Variants in RUNDC3B observed in about 807,000 individuals in gnomAD.
The protein encoded by RUNDC3B is RUN domain-containing protein 3B.
RUNDC3B carries 33 observed loss-of-function variants against 58.4 expected under a neutral mutation model. That is an observed-to-expected ratio of 0.56 (90% CI 0.43 to 0.75). The LOEUF is 0.75. RUNDC3B is among the 30% of genes least tolerant of loss of function. RUNDC3B has a pLI of 0.00. For missense variants in RUNDC3B, 501 were observed against 535.7 expected (o/e 0.94, Z 0.64); for synonymous variants, 193 against 195.2 (o/e 0.99, Z 0.10).
chr7:87,828,893 T>C (rs1317260871), intron 10 of RUNDC3B, among the ~76,000 whole-genome samples: 2 of 152,192 alleles, frequency 1.3e-5, no homozygotes, highest in Non-Finnish European at 2.9e-5. Flanking sequence ...GAAAGCAGCG[T>C]AGCAACCCTT....
chr7:87,645,710 A>T (rs1225677207), intron 1 of RUNDC3B, among the ~76,000 whole-genome samples: 1 of 152,148 alleles, frequency 6.6e-6, no homozygotes. Context: ...TTCTTTCTAC[A>T]GGTTTGATTT....
chr7:87,747,427 G>A (rs1832711175), intron 6 of RUNDC3B, among the ~76,000 whole-genome samples: 1 of 152,236 alleles, frequency 6.6e-6, no homozygotes, highest in African/African-American at 2.4e-5. Context: ...GTTAGCTTTG[G>A]TGGTTTAATG....
At chr7:87,672,184 G>A (rs1161413243) in intron 2 of RUNDC3B, among the ~76,000 whole-genome samples, 1 of 152,224 alleles carries the variant, frequency 6.6e-6, no homozygotes, top group Non-Finnish European at 1.5e-5. Context: ...CACAGGCAGG[G>A]ATGGCTAGAG....
chr7:87,651,817 C>A (rs1399421123), intron 2 of RUNDC3B, among the ~76,000 whole-genome samples: 1 of 151,980 alleles, frequency 6.6e-6, no homozygotes, highest in African/African-American at 2.4e-5. Context: ...GGGCCCAGAG[C>A]AAAGGATTGA....
chr7:87,774,721 T>C (rs1028180600), intron 7 of RUNDC3B, among the ~76,000 whole-genome samples: 28 of 152,308 alleles, frequency 1.8e-4, no homozygotes, highest in African/African-American at 6.5e-4. Flanking sequence ...CTATTATGTA[T>C]TGTTTTGGTG....
At chr7:87,746,408 C>T (rs1007856861) in intron 6 of RUNDC3B, among the ~76,000 whole-genome samples, 6 of 152,000 alleles carry the variant, frequency 3.9e-5, no homozygotes, top group Non-Finnish European at 4.4e-5. Flanking sequence ...GTAGTGAAGC[C>T]CACCCACCCA....
intron 4 of RUNDC3B, among the ~76,000 whole-genome samples, chr7:87,731,385 A>T (rs928894987): frequency 4.6e-5 from 7 of 152,306 alleles, no homozygotes; most frequent in South Asian, 2.1e-4. Context: ...AAAACAAATT[A>T]AAAAATGGCA....
intron 2 of RUNDC3B, among the ~76,000 whole-genome samples, chr7:87,667,510 A>G (rs922534838): frequency 2.6e-5 from 4 of 151,912 alleles, no homozygotes; most frequent in African/African-American, 9.7e-5. Context: ...AGCTCTGGCT[A>G]GGACTTCCAT....
intron 2 of RUNDC3B, among the ~76,000 whole-genome samples, chr7:87,663,223 C>G (rs940103294): frequency 2.6e-5 from 4 of 151,964 alleles, no homozygotes; most frequent in Admixed American, 2.6e-4. Flanking sequence ...TAGTTGGATG[C>G]CCTTTATTTC....
chr7:87,803,727 T>C (rs1836290145), intron 8 of RUNDC3B, among the ~76,000 whole-genome samples: 1 of 152,194 alleles, frequency 6.6e-6, no homozygotes, highest in Non-Finnish European at 1.5e-5. Context: ...GCCTACCTAA[T>C]ACATTTACTT....
At chr7:87,677,009 C>T (rs1026793146) in intron 2 of RUNDC3B, among the ~76,000 whole-genome samples, 1 of 152,064 alleles carries the variant, frequency 6.6e-6, no homozygotes, top group Admixed American at 6.6e-5. Flanking sequence ...GAAAAGGGAA[C>T]CTTCCTACTC....
chr7:87,636,501 T>C (rs1821793123), intron 1 of RUNDC3B, among the ~76,000 whole-genome samples: 1 of 152,186 alleles, frequency 6.6e-6, no homozygotes, highest in Non-Finnish European at 1.5e-5. Flanking sequence ...TGCAAATGTC[T>C]TCCATTTGGT....
At chr7:87,812,253 G>T (rs1406808195) in intron 9 of RUNDC3B, among the ~76,000 whole-genome samples, 1 of 152,188 alleles carries the variant, frequency 6.6e-6, no homozygotes, top group East Asian at 1.9e-4. Context: ...ATAGTTAGAT[G>T]TTGAATTTAG....
At chr7:87,638,471 G>A (rs779470444) in intron 1 of RUNDC3B, among the ~76,000 whole-genome samples, 71 of 151,700 alleles carry the variant, frequency 4.7e-4, no homozygotes, top group Non-Finnish European at 8.1e-4. Context: ...AATGTGAACC[G>A]CAAATTGTCT....
chr7:87,763,723 T>A (rs1289336046), intron 6 of RUNDC3B, among the ~76,000 whole-genome samples: 1 of 151,738 alleles, frequency 6.6e-6, no homozygotes, highest in African/African-American at 2.4e-5. Flanking sequence ...TGGAACTTTA[T>A]TATCAGCCAT....
chr7:87,678,998 A>G (rs1826646214), intron 2 of RUNDC3B, among the ~76,000 whole-genome samples: 1 of 152,072 alleles, frequency 6.6e-6, no homozygotes, highest in African/African-American at 2.4e-5. Flanking sequence ...CTCCTCTCAT[A>G]ATAGTAGATC....
At chr7:87,635,168 T>C (rs1043041364) in intron 1 of RUNDC3B, among the ~76,000 whole-genome samples, 3 of 152,192 alleles carry the variant, frequency 2.0e-5, no homozygotes, top group Non-Finnish European at 4.4e-5. Context: ...TACAGGTTTA[T>C]AAAATATATC....
intron 2 of RUNDC3B, among the ~76,000 whole-genome samples, chr7:87,692,961 T>G (rs750861791): frequency 3.3e-5 from 5 of 152,146 alleles, no homozygotes; most frequent in Non-Finnish European, 7.4e-5. Flanking sequence ...CACAGCTGTA[T>G]GTATCTCCTT....
At chr7:87,673,878 T>G (rs1246490864) in intron 2 of RUNDC3B, among the ~76,000 whole-genome samples, 1 of 152,088 alleles carries the variant, frequency 6.6e-6, no homozygotes, top group Non-Finnish European at 1.5e-5. Context: ...CTTGGATGGG[T>G]TTTTTTGCTT....
Sources: allele counts gnomAD v4.1 joint callset (sites outside exome capture counted in the v4.1 genomes callset), GRCh38; gene constraint gnomAD v4.1.1; transcripts MANE v1.5; gene names NCBI Gene and HGNC (gene_info 2026-07-23, HGNC 2026-07-21).